The following CAMTA1 variants were observed in gnomAD, a reference collection of about 807,000 sequenced individuals.
CAMTA1 encodes the protein calmodulin binding transcription activator 1, also known as calmodulin-binding transcription activator 1.
A neutral mutation model predicts 170.9 loss-of-function variants in CAMTA1; 27 were observed. The ratio of observed to expected loss-of-function variants is 0.16; its 90% CI spans 0.12 to 0.22. The LOEUF (loss-of-function observed/expected upper bound fraction) is 0.22, where lower values mean the gene tolerates loss of function less well. Ranked by LOEUF, CAMTA1 falls within the 10% of genes least tolerant of loss-of-function variation. The pLI, the probability that CAMTA1 is intolerant of heterozygous loss-of-function variation, is 1.00. For synonymous variants in CAMTA1, 833 were observed against 891.5 expected, an observed-to-expected ratio of 0.93 and a Z score of 1.17; for missense variants, 1,619 against 2,217.2, an observed-to-expected ratio of 0.73 and a Z score of 5.42.
intron 4 of CAMTA1, among the ~76,000 whole-genome samples, chr1:7,128,666 T>G (rs1371285175): frequency 6.6e-6 from 1 of 151,986 alleles, no homozygotes; most frequent in African/African-American, 2.4e-5. Flanking sequence ...CCTATTTTTT[T>G]TTTTTTTTAA....
intron 4 of CAMTA1, among the ~76,000 whole-genome samples, chr1:7,165,083 G>T (rs1488683786): frequency 6.6e-6 from 1 of 152,196 alleles, no homozygotes; most frequent in Non-Finnish European, 1.5e-5. Context: ...AAAACGATCT[G>T]CTTTTGAAAA....
chr1:7,363,854 A>C (rs1201444789), intron 5 of CAMTA1, among the ~76,000 whole-genome samples: 2 of 152,012 alleles, frequency 1.3e-5, no homozygotes, highest in African/African-American at 4.8e-5. Context: ...AACCTGCTTC[A>C]CCCTGGTAGC....
At position 7,125,480 on chromosome 1, in the gene CAMTA1, A is replaced by G. The variant is rs189095823; in HGVS notation, c.302+34109A>G. Among the ~76,000 whole-genome samples, 103 of 152,314 alleles carry G rather than the reference A, an allele frequency of 6.8e-4. 1 individual carries two copies. Among genetic ancestry groups the G allele is most frequent in the Admixed American group, 6.6e-3 (101 of 15,308 alleles). On this transcript the variant is annotated intron_variant, in intron 4 of 22. Coordinates refer to ENST00000303635, the MANE Select transcript of CAMTA1 (RefSeq NM_015215.4). Reference sequence around the variant, plus strand: ...TGTGTTCAAGGTCAGCCCAGAGACCATGATGGGTGGCATAAAACATGGCAG... The same window carrying G: ...TGTGTTCAAGGTCAGCCCAGAGACCGTGATGGGTGGCATAAAACATGGCAG...
At chr1:6,980,964 G>T (rs1197736610) in intron 3 of CAMTA1, among the ~76,000 whole-genome samples, 1 of 151,992 alleles carries the variant, frequency 6.6e-6, no homozygotes, top group African/African-American at 2.4e-5. Flanking sequence ...CTGGGTGTGT[G>T]GTTCCCTCAT....
chr1:7,493,348 AAC>A (rs1160346325), intron 6 of CAMTA1, among the ~76,000 whole-genome samples: 23 of 144,098 alleles, frequency 1.6e-4, no homozygotes, highest in Middle Eastern at 3.9e-3. Flanking sequence ...TGCACACACA[AAC>A]ACAAACATAC....
chr1:7,305,740 A>C (rs1675488540), intron 5 of CAMTA1, among the ~76,000 whole-genome samples: 1 of 152,056 alleles, frequency 6.6e-6, no homozygotes, highest in Middle Eastern at 3.2e-3. Context: ...CAAGGGAAAC[A>C]CTCAGATGTG....
intron 3 of CAMTA1, among the ~76,000 whole-genome samples, chr1:6,986,428 C>T (rs901004463): frequency 5.3e-5 from 8 of 152,092 alleles, no homozygotes; most frequent in East Asian, 1.9e-4. Context: ...TGGGCTTTGC[C>T]GTCAGGATCC....
At chr1:7,130,956 T>G (rs539600546) in intron 4 of CAMTA1, among the ~76,000 whole-genome samples, 2 of 151,870 alleles carry the variant, frequency 1.3e-5, no homozygotes, top group East Asian at 3.8e-4. Context: ...TTGCCTTTTC[T>G]TTTCTTTTTT....
chr1:7,498,039 G>A (rs1575628186), intron 6 of CAMTA1, among the ~76,000 whole-genome samples: 1 of 152,050 alleles, frequency 6.6e-6, no homozygotes, highest in African/African-American at 2.4e-5. Flanking sequence ...CCTTCCTGGA[G>A]AGTCCTTATG....
At chr1:7,082,300 T>G (rs1486497910) in intron 3 of CAMTA1, among the ~76,000 whole-genome samples, 1 of 152,108 alleles carries the variant, frequency 6.6e-6, no homozygotes, top group Non-Finnish European at 1.5e-5. Context: ...TAGCTGGACA[T>G]TGTGGTAGGT....
chr1:6,881,937 A>T (rs1047958519), intron 3 of CAMTA1, among the ~76,000 whole-genome samples: 6 of 152,122 alleles, frequency 3.9e-5, no homozygotes, highest in Admixed American at 3.9e-4. Context: ...ACTGCACTCC[A>T]GCCTGGGAGA....
chr1:7,276,303 A>ATATATATATTTTTTTTTT, intron 5 of CAMTA1, among the ~76,000 whole-genome samples: 1 of 24,230 alleles, frequency 4.1e-5, no homozygotes, highest in Non-Finnish European at 6.1e-5. Flanking sequence ...ATATATATAT[A>ATATATATATTTTTTTTTT]TTTTTTTTTT....
chr1:7,512,727 G>T (rs2094219090), intron 6 of CAMTA1, among the ~76,000 whole-genome samples: 1 of 152,216 alleles, frequency 6.6e-6, no homozygotes, highest in Non-Finnish European at 1.5e-5. Flanking sequence ...GGGGAAGGAA[G>T]CAATACTAGC....
Position 7,249,016 on chromosome 1 carries a change from A to G in CAMTA1, c.303-475A>G, listed in dbSNP as rs533894987. On this transcript the variant is annotated intron_variant, in intron 4 of 22. Transcript: ENST00000303635. This position sits in a 1 kb window ranked among gnomAD's most constrained non-coding sequence, Gnocchi z 4.4. ...TTTGGCCTCGGTGAACAGCTCTGCC[A>G]TCGGTCTGTTCTTAACATAGTCATC... is the stretch of plus-strand genomic sequence containing the variant. Among the ~76,000 whole-genome samples the G allele has an allele frequency of 6.5e-4, 99 of 152,358 alleles. No individual in the cohort carries two copies. The Middle Eastern group carries it at 0.014, about 21-fold the overall frequency.
intron 19 of CAMTA1, among the ~76,000 whole-genome samples, chr1:7,750,667 T>A (rs959749693): frequency 7.9e-5 from 12 of 152,318 alleles, no homozygotes; most frequent in African/African-American, 2.9e-4. Context: ...CTTTTACAGG[T>A]TAAAATGGCT....
At chr1:6,857,742 C>G (rs779874578) in intron 3 of CAMTA1, among the ~76,000 whole-genome samples, 4 of 152,106 alleles carry the variant, frequency 2.6e-5, no homozygotes, top group Non-Finnish European at 5.9e-5. Flanking sequence ...ACATACAAAA[C>G]ATAAAAAACA....
rs796078131 is a variant in CAMTA1 at position 7,273,107 on chromosome 1, T to G, written c.438+23481T>G. Among the ~76,000 whole-genome samples the G allele has an allele frequency of 9.8e-5, 15 of 152,302 alleles. No individual in the cohort carries two copies. In the East Asian group the frequency reaches 2.9e-3, roughly 29 times the overall value. Reference sequence around the variant, plus strand: ...AAAAAAAGAGAGATAATAGTAAGTGTTCACACACGTGGAGAAATTGGAACC... The same window carrying G: ...AAAAAAAGAGAGATAATAGTAAGTGGTCACACACGTGGAGAAATTGGAACC... On this transcript the variant is annotated intron_variant, in intron 5 of 22. Transcript: ENST00000303635.
At chr1:7,237,859 A>G (rs1664169199) in intron 4 of CAMTA1, among the ~76,000 whole-genome samples, 2 of 152,232 alleles carry the variant, frequency 1.3e-5, no homozygotes. Context: ...CTACAAAAAG[A>G]GGACAAGTCT....
At chr1:7,538,338 C>G (rs2094571696) in intron 6 of CAMTA1, among the ~76,000 whole-genome samples, 1 of 151,208 alleles carries the variant, frequency 6.6e-6, no homozygotes, top group Admixed American at 6.6e-5. Context: ...ACTGAATACA[C>G]AAGGAGTTAT....
Sources: gnomAD v4.1 joint callset for allele counts (sites outside exome capture counted in the v4.1 genomes callset) on GRCh38, gnomAD v4.1.1 for gene constraint, Gnocchi (gnomAD v3.1) non-coding constraint, MANE v1.5 for transcripts, NCBI Gene and HGNC (gene_info 2026-07-23, HGNC 2026-07-21) for gene names.